Variants in SRFBP1 observed in about 807,000 individuals in gnomAD.
SRFBP1 encodes serum response factor binding protein 1.
A neutral mutation model predicts 45.5 loss-of-function variants in SRFBP1; 47 were observed. The ratio of observed to expected loss-of-function variants is 1.03; its 90% CI spans 0.82 to 1.32. SRFBP1 has a LOEUF of 1.32. Among genes scored for constraint, SRFBP1 ranks in the 40% most tolerant of loss-of-function variants. SRFBP1 has a pLI of 0.00. For synonymous variants in SRFBP1, 203 were observed against 166.3 expected (o/e 1.22, Z -1.70); for missense variants, 621 against 484.6 (o/e 1.28, Z -2.64).
chr5:121,985,750 T>G (rs1376343481), intron 3 of SRFBP1, among the ~76,000 whole-genome samples: 3 of 151,916 alleles, frequency 2.0e-5, no homozygotes, highest in Non-Finnish European at 4.4e-5. Context: ...TCTAGACACT[T>G]ATGGTATACC....
chr5:122,044,575 G>A (rs1490642873), intron 2 of SRFBP1, among the ~76,000 whole-genome samples: 1 of 151,646 alleles, frequency 6.6e-6, no homozygotes, highest in South Asian at 2.1e-4. Context: ...GTATTGCATT[G>A]TGGTTTTGAT....
At chr5:122,021,668 C>CTTTTT (rs912072262) in intron 6 of SRFBP1, among the ~76,000 whole-genome samples, 10 of 96,954 alleles carry the variant, frequency 1.0e-4, no homozygotes, top group Non-Finnish European at 1.6e-4. Flanking sequence ...AAATATAAAT[C>CTTTTT]TTTTTTTTTT....
Position 121,967,029 on chromosome 5 carries a change from G to A in SRFBP1, c.36+4961G>A, listed in dbSNP as rs182270078. Reference sequence around the variant, plus strand: ...AGGATGGTCTCGATCTCCTGACCTCGTGATCCGCCTGCCTCAGCCTCCCAG... The same window carrying A: ...AGGATGGTCTCGATCTCCTGACCTCATGATCCGCCTGCCTCAGCCTCCCAG... On this transcript the variant is annotated intron_variant, in intron 1 of 7. Transcript: ENST00000339397. Among the ~76,000 whole-genome samples the A allele has an allele frequency of 1.1e-4, 16 of 146,702 alleles. No homozygotes were observed. In the East Asian group the frequency reaches 2.4e-3, roughly 22 times the overall value.
At chr5:122,023,836 C>T (rs558014110) in intron 7 of SRFBP1, among the ~76,000 whole-genome samples, 3 of 152,276 alleles carry the variant, frequency 2.0e-5, no homozygotes, top group South Asian at 4.2e-4. Context: ...TCCTTCAGTC[C>T]GTCTGTGGGC....
chr5:121,981,553 CTT>C lies in SRFBP1; in HGVS notation c.198+6185_198+6186del, dbSNP rs71623244. Among the ~76,000 whole-genome samples the C allele has an allele frequency of 7.0e-3, 937 of 134,642 alleles. 18 individuals carry two copies. Among genetic ancestry groups the C allele is most frequent in the African/African-American group, 0.023 (853 of 37,044 alleles). The allele number at this position is 134,642 out of a possible 152,430, so 88.3% of individuals were successfully genotyped here. A position where few individuals can be genotyped will look rare whatever the true frequency, so the allele number is the denominator to read the frequency against. On this transcript the variant is annotated intron_variant, in intron 3 of 7. Transcript: ENST00000339397. ...TCTGTATCTTCCACTTACCCTGTAC[CTT>C]TTTTTTTTTTTTTTTTTTAACCAGC...
At position 121,994,676 on chromosome 5, in the gene SRFBP1, T is replaced by C; in HGVS notation, c.270+6T>C. On this transcript the variant is annotated splice_donor_region_variant and intron_variant, in intron 4 of 7. Transcript: ENST00000339397. ...TTGAAAAAATCTTCAAAAAGGTATA[T>C]CTGCAATAGATTATATTTGTCTTAT... The C allele has an allele frequency of 6.5e-7, 1 of 1,545,404 alleles. No homozygotes were observed. The highest frequency in any genetic ancestry group is 8.8e-7 in the Non-Finnish European group (1 of 1,132,410).
chr5:122,029,520 T>A (rs543833365), downstream of SRFBP1, among the ~76,000 whole-genome samples: 65 of 152,290 alleles, frequency 4.3e-4, no homozygotes, highest in Admixed American at 1.5e-3. Context: ...GGAGCACTTT[T>A]TCTGTGTATT....
At chr5:121,979,821 A>G (rs1272220342) in intron 3 of SRFBP1, among the ~76,000 whole-genome samples, 1 of 152,148 alleles carries the variant, frequency 6.6e-6, no homozygotes, top group East Asian at 1.9e-4. Context: ...GAGCGTTTAC[A>G]TTTTGAAACT....
downstream of SRFBP1, among the ~76,000 whole-genome samples, chr5:122,030,027 T>C (rs115955465): frequency 6.9e-3 from 1,048 of 152,306 alleles, 11 homozygotes; most frequent in African/African-American, 0.023. Context: ...AGTTTCAGAA[T>C]TGCTAAGTGA....
chr5:121,979,719 A>T (rs902442572), intron 3 of SRFBP1, among the ~76,000 whole-genome samples: 1 of 152,176 alleles, frequency 6.6e-6, no homozygotes, highest in Non-Finnish European at 1.5e-5. Context: ...GACACTATGT[A>T]ATTCCACAGG....
rs528406871 is a variant in SRFBP1 at position 122,053,739 on chromosome 5, G to T, written n.312-21576G>T. ...CCAAGTGTTTCCAGAACAACAGGAAGCTGTATCCTCCAGTTGAGTTCACAC... is the reference window on the plus strand; with the variant it reads ...CCAAGTGTTTCCAGAACAACAGGAATCTGTATCCTCCAGTTGAGTTCACAC... On this transcript the variant is annotated intron_variant and non_coding_transcript_variant, in intron 2 of 2. Coordinates refer to the SRFBP1 transcript ENST00000504881. Among the ~76,000 whole-genome samples the T allele has an allele frequency of 1.2e-3, 190 of 152,250 alleles. 1 individual carries two copies. Among genetic ancestry groups the T allele is most frequent in the African/African-American group, 4.4e-3 (182 of 41,544 alleles).
At chr5:122,015,441 C>A (rs1397758235) in intron 4 of SRFBP1, among the ~76,000 whole-genome samples, 1 of 152,170 alleles carries the variant, frequency 6.6e-6, no homozygotes, top group African/African-American at 2.4e-5. Flanking sequence ...TCTGCCCCAC[C>A]AAGGATTCTA....
chr5:122,072,051 T>C (rs1284938225), intron 2 of SRFBP1, among the ~76,000 whole-genome samples: 1 of 152,244 alleles, frequency 6.6e-6, no homozygotes, highest in African/African-American at 2.4e-5. Flanking sequence ...CATACAATTC[T>C]GATTCTGGCA....
chr5:122,002,640 A>T (rs552536033), intron 4 of SRFBP1, among the ~76,000 whole-genome samples: 1 of 152,344 alleles, frequency 6.6e-6, no homozygotes, highest in South Asian at 2.1e-4. Context: ...GGCAGTAATT[A>T]TGTGAGATGT....
chr5:121,967,948 C>CA (rs1261335479), intron 1 of SRFBP1, among the ~76,000 whole-genome samples: 1 of 152,128 alleles, frequency 6.6e-6, no homozygotes, highest in East Asian at 1.9e-4. Context: ...TAGGAAATGT[C>CA]AGTGTTTTGC....
intron 4 of SRFBP1, among the ~76,000 whole-genome samples, chr5:122,015,571 A>T (rs1753179342): frequency 6.6e-6 from 1 of 152,228 alleles, no homozygotes; most frequent in African/African-American, 2.4e-5. Flanking sequence ...TCGTGAGTGC[A>T]GACATAGGCA....
chr5:122,029,207 A>C (rs1048677105), downstream of SRFBP1, among the ~76,000 whole-genome samples: 4 of 152,132 alleles, frequency 2.6e-5, no homozygotes, highest in African/African-American at 7.2e-5. Flanking sequence ...TACACACACA[A>C]AAAAGAATTT....
chr5:122,002,738 T>C (rs1752896781), intron 4 of SRFBP1, among the ~76,000 whole-genome samples: 1 of 152,160 alleles, frequency 6.6e-6, no homozygotes, highest in African/African-American at 2.4e-5. Flanking sequence ...ATTGTTGTAA[T>C]TATGTGAGAT....
chr5:121,978,108 C>T (rs1752340558), intron 3 of SRFBP1, among the ~76,000 whole-genome samples: 1 of 152,148 alleles, frequency 6.6e-6, no homozygotes, highest in South Asian at 2.1e-4. Flanking sequence ...CAACAAGTCT[C>T]TTACTCAATA....
Sources: gnomAD v4.1 joint callset for allele counts (sites outside exome capture counted in the v4.1 genomes callset) on GRCh38, gnomAD v4.1.1 for gene constraint, MANE v1.5 for transcripts, NCBI Gene and HGNC (gene_info 2026-07-23, HGNC 2026-07-21) for gene names.